SOX5: variants seen among roughly 807,000 people sequenced by gnomAD.
The protein encoded by SOX5 is transcription factor SOX-5.
In SOX5, 9 loss-of-function variants were observed where a neutral mutation model predicts 92.0. The observed-to-expected ratio is 0.10, with a 90% confidence interval of 0.06 to 0.17. SOX5 has a LOEUF of 0.17. Ranked by LOEUF, SOX5 falls within the 10% of genes least tolerant of loss-of-function variation. SOX5 has a pLI of 1.00. For synonymous variants in SOX5, 344 were observed against 336.3 expected, an observed-to-expected ratio of 1.02 and a Z score of -0.25; for missense variants, 642 against 944.5, an observed-to-expected ratio of 0.68 and a Z score of 4.20.
intron 1 of SOX5, among the ~76,000 whole-genome samples, chr12:24,552,665 T>C (rs1395336974): frequency 2.0e-5 from 3 of 152,244 alleles, no homozygotes; most frequent in African/African-American, 7.2e-5. Context: ...TTTTGGTGAA[T>C]ATAGGGATTA....
intron 3 of SOX5, among the ~76,000 whole-genome samples, chr12:24,247,943 G>A (rs754986618): frequency 6.6e-6 from 1 of 151,690 alleles, no homozygotes; most frequent in Admixed American, 6.6e-5. Flanking sequence ...CGTGAGCCAC[G>A]GCACCCAGCC....
intron 4 of SOX5, among the ~76,000 whole-genome samples, chr12:23,962,981 A>T (rs759508831): frequency 3.3e-5 from 5 of 152,194 alleles, no homozygotes; most frequent in Admixed American, 1.3e-4. Context: ...AAAACTGTTA[A>T]ATTAAATGAA....
intron 1 of SOX5, among the ~76,000 whole-genome samples, chr12:24,417,744 G>A (rs73070415): frequency 0.17 from 26,422 of 152,142 alleles, 2,379 homozygotes; most frequent in Middle Eastern, 0.22. Context: ...TGGAGAAAAG[G>A]ATAGACAATA....
Position 23,534,536 on chromosome 12 carries a change from A to G in SOX5, c.1989-14T>C. On this transcript the variant is annotated splice_polypyrimidine_tract_variant and intron_variant, in intron 14 of 14. Coordinates refer to ENST00000451604, the MANE Select transcript of SOX5 (RefSeq NM_006940.6). ...TGTGCTTGTTGCCTGTCAAGAAAGG[A>G]ATTTCCAAAAAGACATCGTGGGTAA... 1 of 1,601,452 alleles carries G rather than the reference A, an allele frequency of 6.2e-7. No individual in the cohort carries two copies. The highest frequency in any genetic ancestry group is 1.1e-5 in the South Asian group (1 of 90,614).
chr12:24,488,317 G>A (rs1257375235), intron 1 of SOX5, among the ~76,000 whole-genome samples: 1 of 152,148 alleles, frequency 6.6e-6, no homozygotes, highest in African/African-American at 2.4e-5. Context: ...AGCAGGGTGT[G>A]GTAACTCACC....
intron 1 of SOX5, among the ~76,000 whole-genome samples, chr12:23,929,439 A>G (rs1322015999): frequency 2.0e-5 from 3 of 151,950 alleles, no homozygotes; most frequent in Middle Eastern, 3.2e-3. Flanking sequence ...CAGCTAGCCA[A>G]TTACATTCAG....
intron 4 of SOX5, among the ~76,000 whole-genome samples, chr12:24,181,168 G>C (rs149874027): frequency 9.2e-5 from 14 of 152,250 alleles, no homozygotes; most frequent in African/African-American, 3.1e-4. Context: ...AGGCTTACTG[G>C]GGATTTTCAG....
intron 4 of SOX5, among the ~76,000 whole-genome samples, chr12:24,050,143 TG>T (rs1171113329): frequency 6.7e-6 from 1 of 148,798 alleles, no homozygotes; most frequent in Non-Finnish European, 1.5e-5. Flanking sequence ...GATAAGTGAC[TG>T]TATATGATCA....
intron 4 of SOX5, among the ~76,000 whole-genome samples, chr12:24,160,038 T>C (rs1210847822): frequency 6.6e-6 from 1 of 151,960 alleles, no homozygotes; most frequent in Non-Finnish European, 1.5e-5. Context: ...TACTAATTAC[T>C]GCCATATAGA....
intron 4 of SOX5, among the ~76,000 whole-genome samples, chr12:24,004,346 T>C (rs905249669): frequency 2.0e-5 from 3 of 151,124 alleles, no homozygotes; most frequent in African/African-American, 7.3e-5. Context: ...TGTAAGCCAT[T>C]GACAAAGAAA....
At chr12:23,962,032 T>C (rs771622443) in intron 4 of SOX5, among the ~76,000 whole-genome samples, 4 of 152,304 alleles carry the variant, frequency 2.6e-5, no homozygotes, top group East Asian at 1.9e-4. Flanking sequence ...ATAAGTTACA[T>C]TGAATTTCAC....
intron 1 of SOX5, among the ~76,000 whole-genome samples, chr12:24,477,890 A>C (rs1945569356): frequency 6.6e-6 from 1 of 152,096 alleles, no homozygotes; most frequent in Non-Finnish European, 1.5e-5. Context: ...AAGTCTATTA[A>C]AACAAAAAAG....
At chr12:23,581,072 A>G (rs2136884337) in intron 9 of SOX5, among the ~76,000 whole-genome samples, 1 of 152,220 alleles carries the variant, frequency 6.6e-6, no homozygotes, top group Non-Finnish European at 1.5e-5. Flanking sequence ...TCATAATTTT[A>G]TAATGTACAA....
At chr12:23,624,628 C>G (rs1566465222) in intron 8 of SOX5, among the ~76,000 whole-genome samples, 1 of 152,248 alleles carries the variant, frequency 6.6e-6, no homozygotes. Flanking sequence ...CGCTCAAACT[C>G]CACTGTCTTA....
chr12:24,381,028 G>A (rs1957770967), intron 1 of SOX5, among the ~76,000 whole-genome samples: 1 of 152,178 alleles, frequency 6.6e-6, no homozygotes, highest in African/African-American at 2.4e-5. Context: ...CCTTACTTGA[G>A]GGGCACTCCT....
At chr12:23,984,100 G>A (rs551513336) in intron 4 of SOX5, among the ~76,000 whole-genome samples, 26 of 152,144 alleles carry the variant, frequency 1.7e-4, no homozygotes, top group Non-Finnish European at 2.5e-4. Flanking sequence ...TGTATTTTAC[G>A]TATTCCCTGG....
At chr12:24,074,543 C>CATTTAGAT (rs2137491916) in intron 4 of SOX5, among the ~76,000 whole-genome samples, 1 of 140,054 alleles carries the variant, frequency 7.1e-6, no homozygotes, top group Non-Finnish European at 1.5e-5. Flanking sequence ...TGTTTATACC[C>CATTTAGAT]AAACAGTACA....
intron 1 of SOX5, among the ~76,000 whole-genome samples, chr12:23,931,202 G>A (rs1416972249): frequency 6.6e-6 from 1 of 151,728 alleles, no homozygotes; most frequent in Admixed American, 6.6e-5. Flanking sequence ...ATTAGTTACT[G>A]CAAATATTGA....
intron 4 of SOX5, among the ~76,000 whole-genome samples, chr12:24,205,073 A>G (rs1052916993): frequency 1.3e-5 from 2 of 152,190 alleles, no homozygotes; most frequent in African/African-American, 4.8e-5. Context: ...AAGCTTAACA[A>G]ATCAAGAAGA....
Sources: gnomAD v4.1 joint callset for allele counts (sites outside exome capture counted in the v4.1 genomes callset) on GRCh38, gnomAD v4.1.1 for gene constraint, MANE v1.5 for transcripts, NCBI Gene and HGNC (gene_info 2026-07-23, HGNC 2026-07-21) for gene names.